EMCN: variants seen among roughly 807,000 people sequenced by gnomAD.
EMCN encodes the protein endomucin.
Under a neutral mutation model 38.4 loss-of-function variants are expected in EMCN, and 37 were observed. The observed-to-expected ratio is 0.96, with a 90% CI of 0.74 to 1.27. The LOEUF (loss-of-function observed/expected upper bound fraction) is 1.27, where lower values mean the gene tolerates loss of function less well. EMCN is among the 50% of genes most tolerant of loss of function. The probability of loss-of-function intolerance (pLI) is 0.00; values close to 1 mark genes in which losing one functional copy is unlikely to be tolerated. For synonymous variants in EMCN, 95 were observed against 100.8 expected (o/e 0.94, Z 0.35); for missense variants, 318 against 302.8 (o/e 1.05, Z -0.37).
In EMCN at chr4:100,486,784, C is replaced by A. The variant is rs546861826; in HGVS notation, c.65-6745G>T. On this transcript the variant is annotated intron_variant, in intron 1 of 11. Transcript: ENST00000296420. The stretch of plus-strand genomic sequence containing the variant: ...GTTAAACAGAAAACAACAATATCTG[C>A]AAAATGGACCCAAGAACCTGAGATG... The A allele has an allele frequency of 9.0e-6, 8 of 887,630 alleles. No individual in the cohort carries two copies. The African/African-American group carries it at 1.5e-4, about 16-fold the overall frequency. 55.0% of individuals were successfully genotyped at this position (887,630 alleles called of 1,614,324 possible).
intron 10 of EMCN, among the ~76,000 whole-genome samples, chr4:100,413,259 T>A (rs1578394998): frequency 6.6e-6 from 1 of 152,312 alleles, no homozygotes. Flanking sequence ...CAGATATTTG[T>A]TCTATCAATT....
intron 3 of EMCN, among the ~76,000 whole-genome samples, chr4:100,466,467 A>C (rs928854023): frequency 6.6e-6 from 1 of 152,244 alleles, no homozygotes; most frequent in Non-Finnish European, 1.5e-5. Context: ...AGTCATGCTG[A>C]AGAAAGGGAT....
In EMCN at chr4:100,469,786, A is replaced by G. The variant is rs77429204; in HGVS notation, c.260-4247T>C. ...GTTCTCTATTCTGTTCCATTTGTCT[A>G]TGGTTACTGTAGCCCAGTAGTATAG... On this transcript the variant is annotated intron_variant, in intron 3 of 11. Coordinates refer to ENST00000296420, the MANE Select transcript of EMCN (RefSeq NM_016242.4). 5.9e-3 allele frequency among the ~76,000 whole-genome samples: 899 copies of G among 151,964 alleles called. 9 individuals carry two copies. The highest frequency in any genetic ancestry group is 0.02 in the African/African-American group (824 of 41,516).
At chr4:100,515,620 G>T (rs1433232061) in intron 1 of EMCN, among the ~76,000 whole-genome samples, 2 of 152,048 alleles carry the variant, frequency 1.3e-5, no homozygotes, top group African/African-American at 2.4e-5. Flanking sequence ...AAAAGAGCAT[G>T]GATCTGCTTG....
intron 1 of EMCN, among the ~76,000 whole-genome samples, chr4:100,486,182 T>C (rs1728936143): frequency 6.6e-6 from 1 of 152,200 alleles, no homozygotes; most frequent in Non-Finnish European, 1.5e-5. Context: ...TGAGGTCATG[T>C]CTCTCTACGT....
chr4:100,495,190 C>A (rs905208203), intron 1 of EMCN, among the ~76,000 whole-genome samples: 1 of 151,984 alleles, frequency 6.6e-6, no homozygotes, highest in Non-Finnish European at 1.5e-5. Flanking sequence ...TAAAGGGTGG[C>A]AATACCTAGA....
chr4:100,430,781 TG>T (rs1478950892), intron 5 of EMCN, among the ~76,000 whole-genome samples: 1 of 152,214 alleles, frequency 6.6e-6, no homozygotes, highest in Non-Finnish European at 1.5e-5. Context: ...AGGAGAAGTT[TG>T]TACCAGACAC....
chr4:100,468,301 C>A (rs551898573), intron 3 of EMCN, among the ~76,000 whole-genome samples: 1 of 152,030 alleles, frequency 6.6e-6, no homozygotes, highest in East Asian at 1.9e-4. Flanking sequence ...GAATTGTTAA[C>A]GTGTAATTTA....
At chr4:100,432,827 CTT>C (rs748594503) in intron 5 of EMCN, among the ~76,000 whole-genome samples, 149 of 152,024 alleles carry the variant, frequency 9.8e-4, no homozygotes, top group Non-Finnish European at 1.8e-3. Flanking sequence ...CATTTTAAAA[CTT>C]AAATAAATTT....
chr4:100,515,668 C>T (rs1426262712), intron 1 of EMCN, among the ~76,000 whole-genome samples: 1 of 152,036 alleles, frequency 6.6e-6, no homozygotes, highest in Non-Finnish European at 1.5e-5. Context: ...ATGCCTCCCT[C>T]CTCACCCCCA....
intron 4 of EMCN, among the ~76,000 whole-genome samples, chr4:100,448,036 G>T (rs1057080636): frequency 6.6e-6 from 1 of 151,942 alleles, no homozygotes. Context: ...AAATCCTTCA[G>T]TAAGTGCTTA....
chr4:100,450,694 T>C (rs919681983), intron 4 of EMCN, among the ~76,000 whole-genome samples: 3 of 151,888 alleles, frequency 2.0e-5, no homozygotes, highest in African/African-American at 7.2e-5. Flanking sequence ...TCCTGAGGAG[T>C]ACTCTTGTAT....
At chr4:100,485,034 G>A (rs1054995601) in intron 1 of EMCN, among the ~76,000 whole-genome samples, 1 of 152,022 alleles carries the variant, frequency 6.6e-6, no homozygotes, top group African/African-American at 2.4e-5. Flanking sequence ...TGGAAGGAAG[G>A]TTTAAACTCT....
intron 3 of EMCN, among the ~76,000 whole-genome samples, chr4:100,474,452 T>C (rs1328312018): frequency 1.3e-5 from 2 of 152,200 alleles, no homozygotes; most frequent in Admixed American, 6.5e-5. Context: ...TTCCTTAAAA[T>C]GTTAAACATA....
At chr4:100,426,168 C>T (rs913901916) in intron 5 of EMCN, among the ~76,000 whole-genome samples, 1 of 152,088 alleles carries the variant, frequency 6.6e-6, no homozygotes, top group Non-Finnish European at 1.5e-5. Flanking sequence ...TGTCCCAAGG[C>T]ACCTGTGATT....
At chr4:100,469,996 G>A (rs1431322588) in intron 3 of EMCN, among the ~76,000 whole-genome samples, 2 of 151,924 alleles carry the variant, frequency 1.3e-5, no homozygotes, top group Non-Finnish European at 2.9e-5. Flanking sequence ...AAGTTTTCAT[G>A]ATGAAGACAC....
chr4:100,453,117 A>T (rs1215456985), intron 4 of EMCN, among the ~76,000 whole-genome samples: 5 of 151,976 alleles, frequency 3.3e-5, no homozygotes, highest in African/African-American at 4.8e-5. Context: ...CTAGGCAAGG[A>T]CTTCCTCTCT....
intron 4 of EMCN, among the ~76,000 whole-genome samples, chr4:100,448,328 T>A (rs1727737086): frequency 6.6e-6 from 1 of 152,100 alleles, no homozygotes; most frequent in Admixed American, 6.6e-5. Context: ...TTTTTAAAAG[T>A]CCACTTGCTT....
chr4:100,399,542 G>C (rs1578385206), intron 11 of EMCN, among the ~76,000 whole-genome samples: 1 of 152,146 alleles, frequency 6.6e-6, no homozygotes, highest in Non-Finnish European at 1.5e-5. Flanking sequence ...GATAAGGAAA[G>C]GATTGTAGAA....
Sources: allele counts gnomAD v4.1 joint callset (sites outside exome capture counted in the v4.1 genomes callset), GRCh38; gene constraint gnomAD v4.1.1; transcripts MANE v1.5; gene names NCBI Gene and HGNC (gene_info 2026-07-23, HGNC 2026-07-21).